The following TEAD1 variants were observed in gnomAD, a reference collection of about 807,000 sequenced individuals.
The protein encoded by TEAD1 is TEA domain transcription factor 1.
In TEAD1, 9 loss-of-function variants were observed where a neutral mutation model predicts 54.9. The observed-to-expected ratio is 0.16, with a 90% CI of 0.10 to 0.29. The LOEUF is 0.29. TEAD1 is among the 10% of genes least tolerant of loss of function. The probability of loss-of-function intolerance (pLI) is 1.00; values close to 1 mark genes in which losing one functional copy is unlikely to be tolerated. For synonymous variants in TEAD1, 200 were observed against 187.8 expected, an observed-to-expected ratio of 1.07 and a Z score of -0.53; for missense variants, 387 against 535.9, an observed-to-expected ratio of 0.72 and a Z score of 2.74.
At chr11:12,876,542 G>A (rs569315203) in intron 5 of TEAD1, among the ~76,000 whole-genome samples, 2 of 152,142 alleles carry the variant, frequency 1.3e-5, no homozygotes, top group African/African-American at 4.8e-5. Flanking sequence ...AAGCCCTCAA[G>A]TTCTTTTGTA....
At chr11:12,745,832 T>C (rs1944736730) in intron 2 of TEAD1, among the ~76,000 whole-genome samples, 1 of 152,206 alleles carries the variant, frequency 6.6e-6, no homozygotes, top group Admixed American at 6.5e-5. Flanking sequence ...GGAATCTAAA[T>C]GTGCCTGTTA....
intron 2 of TEAD1, among the ~76,000 whole-genome samples, chr11:12,730,077 T>A (rs1944388411): frequency 6.6e-6 from 1 of 152,202 alleles, no homozygotes; most frequent in Non-Finnish European, 1.5e-5. Flanking sequence ...TAATACATGT[T>A]AGCAAGCCTG....
chr11:12,920,432 G>A (rs1259688596), intron 10 of TEAD1, among the ~76,000 whole-genome samples: 1 of 152,084 alleles, frequency 6.6e-6, no homozygotes, highest in Non-Finnish European at 1.5e-5. Flanking sequence ...TGACCCACCT[G>A]CCCCCATACA....
intron 2 of TEAD1, 84 bp from the exon 3 acceptor site, chr11:12,764,095 A>T (rs1019644578): frequency 1.1e-4 from 91 of 825,824 alleles, no homozygotes; most frequent in Non-Finnish European, 1.6e-4. Context: ...AAAGCTGGTG[A>T]CTGAAGAACT....
rs916506519 is a variant in TEAD1 at position 12,887,374 on chromosome 11, C to T, written c.699+4249C>T. Among the ~76,000 whole-genome samples the T allele has an allele frequency of 3.9e-5, 6 of 152,038 alleles. No homozygotes were observed. The East Asian group carries it at 5.8e-4, about 15-fold the overall frequency. On this transcript the variant is annotated intron_variant, in intron 9 of 12. Coordinates refer to ENST00000527636, the MANE Select transcript of TEAD1 (RefSeq NM_021961.6). Reference sequence around the variant, plus strand: ...CCTCCCAAAGTGCTGGGATTACAGGCGTGAACCACCGTGCCCGGCCGCAGA... The same window carrying T: ...CCTCCCAAAGTGCTGGGATTACAGGTGTGAACCACCGTGCCCGGCCGCAGA...
intron 3 of TEAD1, among the ~76,000 whole-genome samples, chr11:12,841,700 C>T (rs1366240965): frequency 1.3e-5 from 2 of 152,102 alleles, no homozygotes; most frequent in Non-Finnish European, 2.9e-5. Flanking sequence ...GATGGAGAAT[C>T]GAAGCACACT....
At chr11:12,728,339 G>T (rs1345885686) in intron 2 of TEAD1, among the ~76,000 whole-genome samples, 1 of 152,132 alleles carries the variant, frequency 6.6e-6, no homozygotes, top group Non-Finnish European at 1.5e-5. Context: ...GGCAACATTC[G>T]ATATTAATGT....
chr11:12,753,403 C>A (rs1228941327), intron 2 of TEAD1, among the ~76,000 whole-genome samples: 1 of 152,116 alleles, frequency 6.6e-6, no homozygotes, highest in African/African-American at 2.4e-5. Context: ...TTGAGAATTC[C>A]ATTTACTCCA....
At chr11:12,719,947 ATGTTTTTTTTTTT>A (rs1944150872) in intron 2 of TEAD1, among the ~76,000 whole-genome samples, 1 of 59,758 alleles carries the variant, frequency 1.7e-5, no homozygotes. Context: ...TGGAAATCTA[ATGTTTTTTTTTTT>A]TTTTTTTTTT....
At chr11:12,731,278 A>G (rs1013969692) in intron 2 of TEAD1, among the ~76,000 whole-genome samples, 1 of 152,198 alleles carries the variant, frequency 6.6e-6, no homozygotes, top group Non-Finnish European at 1.5e-5. Context: ...TATATGTCCA[A>G]TGTGAAACAA....
At chr11:12,924,760 A>G (rs1948878877) in intron 10 of TEAD1, 152 bp from the exon 11 acceptor site, 3 of 873,188 alleles carry the variant, frequency 3.4e-6, no homozygotes, top group Admixed American at 3.6e-5. Flanking sequence ...AAAACGACAG[A>G]TGGGTATTGA....
chr11:12,762,119 G>A (rs1212942040), intron 2 of TEAD1, among the ~76,000 whole-genome samples: 1 of 152,158 alleles, frequency 6.6e-6, no homozygotes, highest in Admixed American at 6.5e-5. Context: ...ATCTTAAAGT[G>A]TGGCTCCTCG....
At chr11:12,694,580 T>A (rs1943538797) in intron 2 of TEAD1, among the ~76,000 whole-genome samples, 1 of 152,188 alleles carries the variant, frequency 6.6e-6, no homozygotes, top group Admixed American at 6.5e-5. Context: ...GTGCCCACTT[T>A]GTGTACGTAC....
At chr11:12,894,845 A>T (rs2134118554) in intron 9 of TEAD1, among the ~76,000 whole-genome samples, 1 of 152,356 alleles carries the variant, frequency 6.6e-6, no homozygotes, top group Admixed American at 6.5e-5. Context: ...ACAGCAAATT[A>T]CGTGCTATGT....
intron 3 of TEAD1, among the ~76,000 whole-genome samples, chr11:12,774,612 C>T (rs1202097167): frequency 6.6e-6 from 1 of 152,140 alleles, no homozygotes; most frequent in Non-Finnish European, 1.5e-5. Flanking sequence ...GTTACATGGG[C>T]CAGCCATACA....
intron 10 of TEAD1, among the ~76,000 whole-genome samples, chr11:12,920,467 C>T (rs1948784567): frequency 6.6e-6 from 1 of 152,156 alleles, no homozygotes; most frequent in Non-Finnish European, 1.5e-5. Context: ...ACTGTGTTCC[C>T]TTCCATAGTC....
chr11:12,696,158 A>G (rs947169575), intron 2 of TEAD1, among the ~76,000 whole-genome samples: 15 of 152,228 alleles, frequency 9.9e-5, no homozygotes, highest in South Asian at 8.3e-4. Context: ...GGATTTAACA[A>G]AGGTCGGAGT....
intron 3 of TEAD1, among the ~76,000 whole-genome samples, chr11:12,846,239 C>T (rs192631823): frequency 1.3e-5 from 2 of 151,802 alleles, no homozygotes; most frequent in African/African-American, 2.4e-5. Context: ...GAGTGGAGCC[C>T]GCCCTCCCCC....
chr11:12,878,361 C>T (rs1004402777), intron 5 of TEAD1, among the ~76,000 whole-genome samples: 1 of 152,176 alleles, frequency 6.6e-6, no homozygotes, highest in African/African-American at 2.4e-5. Flanking sequence ...TTGAAGCACC[C>T]TCTCTGCTGG....
Sources: allele counts gnomAD v4.1 joint callset (sites outside exome capture counted in the v4.1 genomes callset), GRCh38; gene constraint gnomAD v4.1.1; transcripts MANE v1.5; gene names NCBI Gene and HGNC (gene_info 2026-07-23, HGNC 2026-07-21).